Variants in MYH13 observed in about 807,000 individuals in gnomAD.
The protein encoded by MYH13 is myosin-13.
MYH13 carries 177 observed loss-of-function variants against 232.1 expected under a neutral mutation model. That is an observed-to-expected ratio of 0.76 (90% CI 0.67 to 0.86). The LOEUF is 0.86. Ranked by LOEUF, MYH13 falls within the 40% of genes least tolerant of loss-of-function variation. The pLI is 0.00. For missense variants in MYH13, 2,246 were observed against 2,405.9 expected (o/e 0.93, Z 1.39); for synonymous variants, 884 against 923.5 (o/e 0.96, Z 0.78).
intron 3 of MYH13, 57 bp from the exon 4 acceptor site, chr17:10,362,560 A>C (rs192974873): frequency 6.2e-7 from 1 of 1,606,094 alleles, no homozygotes; most frequent in East Asian, 2.2e-5. Flanking sequence ...CCCACATTGC[A>C]CTTTACTGGT....
intron 18 of MYH13, among the ~76,000 whole-genome samples, chr17:10,337,112 G>A (rs546848492): frequency 1.3e-5 from 2 of 152,062 alleles, no homozygotes; most frequent in Non-Finnish European, 1.5e-5. Context: ...ACAGGGTTTC[G>A]CCATGTTAGG....
At chr17:10,368,432 G>A (rs949116211) in intron 2 of MYH13, among the ~76,000 whole-genome samples, 13 of 152,152 alleles carry the variant, frequency 8.5e-5, no homozygotes, top group African/African-American at 2.9e-4. Flanking sequence ...GAATAAAATG[G>A]CCAGTTCAGC....
intron 12 of MYH13, 78 bp downstream of exon 12, chr17:10,350,478 T>G (rs1330969561): frequency 2.0e-6 from 3 of 1,532,260 alleles, no homozygotes; most frequent in Non-Finnish European, 2.6e-6. Context: ...TTGAAATGAA[T>G]GCAGTTTATC....
At chr17:10,349,880 A>G (rs1159697029) in intron 12 of MYH13, among the ~76,000 whole-genome samples, 6 of 152,188 alleles carry the variant, frequency 3.9e-5, no homozygotes, top group Non-Finnish European at 7.4e-5. Flanking sequence ...AGGCAGAATT[A>G]TCAAGAACGA....
intron 35 of MYH13, among the ~76,000 whole-genome samples, chr17:10,307,807 T>C (rs1056237732): frequency 2.0e-5 from 3 of 152,206 alleles, no homozygotes; most frequent in Admixed American, 2.0e-4. Context: ...TGAAATTTCA[T>C]TTTTAGAAAT....
In MYH13 at chr17:10,306,750, T is replaced by C; in HGVS notation, c.5296-121A>G. On this transcript the variant is annotated intron_variant, in intron 36 of 40. Transcript: ENST00000252172. This position sits in a 1 kb window ranked among gnomAD's most constrained non-coding sequence, Gnocchi z 4.3. ...TCCCCTGTCTGACTGGGGCCAGTCA[T>C]TGCTGATTCCCCACAGCCTCCCCTC... is the stretch of plus-strand genomic sequence containing the variant. The C allele has an allele frequency of 6.6e-7, 1 of 1,525,928 alleles. No individual in the cohort carries two copies. Among genetic ancestry groups the C allele is most frequent in the Non-Finnish European group, 8.8e-7 (1 of 1,137,314 alleles). The allele number at this position is 1,525,928 out of a possible 1,614,324, so 94.5% of individuals were successfully genotyped here.
rs763617348 is a variant in MYH13, at chr17:10,324,078, C to G, written c.2878G>C (p.Asp960His). The change falls in exon 23 of 41, where the codon GAC (aspartate) becomes CAC (histidine). Residue 960 changes from aspartate (D) to histidine (H), a missense_variant. Physicochemically the swap from Asp to His is moderately conservative, Grantham distance 81 (BLOSUM62 -1). Coordinates refer to ENST00000252172, the MANE Select transcript of MYH13 (RefSeq NM_003802.3). ...ACTTTCGTCAAGGTCAGCTCCAGGT[C>G]ATCAATGTCTCTCTTGAGAGAGGAG... ...KCSSLKRDID[D>H]LELTLTKVEK... The G allele has an allele frequency of 1.9e-6, 3 of 1,614,030 alleles. No homozygotes were observed. The highest frequency in any genetic ancestry group is 2.2e-5 in the South Asian group (2 of 91,070).
chr17:10,307,627 C>G (rs540080956), intron 35 of MYH13, among the ~76,000 whole-genome samples: 136 of 152,082 alleles, frequency 8.9e-4, no homozygotes, highest in African/African-American at 3.2e-3. Context: ...ACTAAAAACT[C>G]AGTGAGGTAT....
intron 18 of MYH13, among the ~76,000 whole-genome samples, chr17:10,334,872 C>A (rs1457018328): frequency 6.6e-6 from 1 of 151,990 alleles, no homozygotes; most frequent in Non-Finnish European, 1.5e-5. Context: ...GAGCAAGACT[C>A]AGTCTCAAAT....
chr17:10,366,784 T>C (rs2071841426), intron 2 of MYH13, among the ~76,000 whole-genome samples: 1 of 152,220 alleles, frequency 6.6e-6, no homozygotes, highest in Admixed American at 6.5e-5. Context: ...CTTTATGAAA[T>C]TGCTCTCTTT....
At chr17:10,359,596 G>C (rs116057386) in intron 7 of MYH13, among the ~76,000 whole-genome samples, 1 of 152,156 alleles carries the variant, frequency 6.6e-6, no homozygotes, top group South Asian at 2.1e-4. Context: ...CCAATTAATA[G>C]CTGCTTGCTT....
Position 10,319,185 on chromosome 17 carries a change from A to G in MYH13, c.3349-6T>C. 1 of 1,611,260 alleles carries G rather than the reference A, an allele frequency of 6.2e-7. No homozygotes were observed. Among genetic ancestry groups the G allele is most frequent in the Non-Finnish European group, 8.5e-7 (1 of 1,178,502 alleles). ...TCCAGCTCTTCTATGCGGGCCTGAA[A>G]GGATTACTCTATCAGGAATGTTATT... is the stretch of plus-strand genomic sequence containing the variant. On this transcript the variant is annotated splice_polypyrimidine_tract_variant and splice_region_variant and intron_variant, in intron 26 of 40. Transcript: ENST00000252172.
chr17:10,315,640 G>T, intron 29 of MYH13, 53 bp downstream of exon 29: 1 of 1,481,714 alleles, frequency 6.7e-7, no homozygotes. Flanking sequence ...CTTCACGGGT[G>T]AAGTGGTCAT....
Position 10,311,133 on chromosome 17 carries a change from T to C in MYH13, c.4626A>G (p.Ser1542=), listed in dbSNP as rs772386510. ...KTKKLVEQEK[S]DLQVALEEVE... The stretch of plus-strand genomic sequence containing the variant: ...CTTCTTCTAAGGCGACCTGCAGATC[T>C]GACTTTTCCTGCTCCACTAGCTTCT... The change falls in exon 33 of 41, where the codon TCA becomes TCG. Residue 1542 remains serine, a synonymous_variant. Transcript: ENST00000252172. 25 of 1,614,070 alleles carry C rather than the reference T, an allele frequency of 1.5e-5. No homozygotes were observed. The highest frequency in any genetic ancestry group is 8.8e-5 in the South Asian group (8 of 91,086).
Position 10,355,141 on chromosome 17 carries a change from A to C in MYH13, c.745T>G (p.Phe249Val), listed in dbSNP as rs181172997. The C allele has an allele frequency of 4.4e-6, 7 of 1,575,598 alleles. No individual in the cohort carries two copies. The East Asian group carries it at 1.4e-4, about 31-fold the overall frequency. ...GTGGCTCCAAAATGAATCCGAATGAACTTCCCCTGTCCAATAACAGGTGGA... is the reference window on the plus strand; with the variant it reads ...GTGGCTCCAAAATGAATCCGAATGACCTTCCCCTGTCCAATAACAGGTGGA... ...RNDNSSRFGKFIRIHFGATGK... is the reference protein window; with the variant it reads ...RNDNSSRFGKVIRIHFGATGK... The change falls in exon 9 of 41, where the codon TTC becomes GTC. Residue 249 changes from phenylalanine to valine, a missense_variant. By Grantham distance (50) the Phe-to-Val change is conservative (BLOSUM62 -1). Coordinates refer to ENST00000252172, the MANE Select transcript of MYH13 (RefSeq NM_003802.3).
chr17:10,332,115 C>A lies in MYH13; in HGVS notation c.2282G>T (p.Arg761Met), dbSNP rs751161545. The A allele has an allele frequency of 1.2e-6, 2 of 1,613,844 alleles. No homozygotes were observed. Among genetic ancestry groups the A allele is most frequent in the African/African-American group, 2.7e-5 (2 of 74,924 alleles). ...NSIDVDREQF[R>M]FGNTKVFFKA... ...TGTGCTCACCTTGGTGTTGCCGAAC[C>A]TGAACTGCTCCCGGTCCACATCGAT... Residue 761 changes from arginine to methionine, a missense_variant, in exon 20 of 41, where the codon AGG becomes ATG. Coordinates refer to ENST00000252172, the MANE Select transcript of MYH13 (RefSeq NM_003802.3).
chr17:10,307,646 A>G (rs1317727727), intron 35 of MYH13, among the ~76,000 whole-genome samples: 1 of 152,212 alleles, frequency 6.6e-6, no homozygotes, highest in East Asian at 1.9e-4. Context: ...ATGTTTCAGC[A>G]ATAAAATTGG....
At chr17:10,359,079 T>C (rs1283823881) in intron 7 of MYH13, among the ~76,000 whole-genome samples, 1 of 152,210 alleles carries the variant, frequency 6.6e-6, no homozygotes, top group African/African-American at 2.4e-5. Context: ...AGTTTCCTGG[T>C]ACGCAGCTCC....
chr17:10,302,550 C>T (rs542688102), intron 39 of MYH13, among the ~76,000 whole-genome samples: 3 of 152,310 alleles, frequency 2.0e-5, no homozygotes, highest in South Asian at 2.1e-4. Context: ...TTTTCCCAAA[C>T]GATCTCTTTT....
Sources: gnomAD v4.1 joint callset for allele counts (sites outside exome capture counted in the v4.1 genomes callset) on GRCh38, gnomAD v4.1.1 for gene constraint, Gnocchi (gnomAD v3.1) non-coding constraint, MANE v1.5 for transcripts, NCBI Gene and HGNC (gene_info 2026-07-23, HGNC 2026-07-21) for gene names.